Variants in DMD observed in about 807,000 individuals in gnomAD.
DMD encodes mutant dystrophin.
DMD carries 63 observed loss-of-function variants against 330.1 expected under a neutral mutation model. The observed-to-expected ratio is 0.19, with a 90% CI of 0.16 to 0.24. The LOEUF (loss-of-function observed/expected upper bound fraction) is 0.24. Among genes scored for constraint, DMD ranks in the 10% least tolerant of loss-of-function variants. The pLI is 1.00. For missense variants in DMD, 3,344 were observed against 2,684.1 expected, an observed-to-expected ratio of 1.25 and a Z score of -5.43; for synonymous variants, 1,223 against 959.8, an observed-to-expected ratio of 1.27 and a Z score of -5.07.
intron 59 of DMD, among the ~76,000 whole-genome samples, chrX:31,448,140 G>C (rs780878656): frequency 9.0e-6 from 1 of 111,174 alleles, no homozygotes; most frequent in African/African-American, 3.3e-5. Flanking sequence ...ACAGATAACT[G>C]GGGGCAAAGG....
At chrX:31,200,502 A>G (rs1243519956) in intron 67 of DMD, among the ~76,000 whole-genome samples, 2 of 112,382 alleles carry the variant, frequency 1.8e-5, no homozygotes, top group Non-Finnish European at 3.7e-5. Flanking sequence ...AAATGAGAGA[A>G]TTCATGTGAA....
At chrX:31,908,149 C>T (rs1298571535) in intron 47 of DMD, among the ~76,000 whole-genome samples, 3 of 112,213 alleles carry the variant, frequency 2.7e-5, no homozygotes, top group Non-Finnish European at 5.6e-5. Flanking sequence ...TTGTGGAAGA[C>T]AGTGTGGCGA....
chrX:32,334,479 T>G (rs1159278328), intron 41 of DMD, among the ~76,000 whole-genome samples: 1 of 111,754 alleles, frequency 8.9e-6, no homozygotes, highest in Admixed American at 9.6e-5. Context: ...ATTCTCAAAA[T>G]GAGTTGCTTT....
intron 2 of DMD, among the ~76,000 whole-genome samples, chrX:32,964,431 G>A (rs2092046151): frequency 9.1e-6 from 1 of 110,496 alleles, no homozygotes; most frequent in African/African-American, 3.3e-5. Flanking sequence ...TTATAAGCCG[G>A]GCTCAGTGAC....
chrX:32,496,408 T>G (rs916857599), intron 19 of DMD, among the ~76,000 whole-genome samples: 10 of 112,204 alleles, frequency 8.9e-5, no homozygotes, highest in Non-Finnish European at 1.7e-4. Context: ...GTTCTGAGGC[T>G]AAATTTTAGA....
chrX:32,394,934 G>GAAAAAAAAAAAA (rs1569560916), intron 30 of DMD, among the ~76,000 whole-genome samples: 3 of 69,031 alleles, frequency 4.3e-5, no homozygotes, highest in Non-Finnish European at 5.6e-5. Context: ...AAAAAAAAAA[G>GAAAAAAAAAAAA]AAAAGAAATC....
chrX:32,553,545 G>A (rs1051953048), intron 16 of DMD, among the ~76,000 whole-genome samples: 1 of 110,673 alleles, frequency 9.0e-6, no homozygotes, highest in African/African-American at 3.3e-5. Flanking sequence ...ACCACCACAT[G>A]TACCTCTGAA....
intron 16 of DMD, among the ~76,000 whole-genome samples, chrX:32,551,317 C>T (rs747972060): frequency 9.9e-5 from 11 of 111,384 alleles, no homozygotes; most frequent in African/African-American, 3.6e-4. Flanking sequence ...CCCAGGGTTG[C>T]GAGGTTGATT....
intron 56 of DMD, among the ~76,000 whole-genome samples, chrX:31,504,016 C>T (rs751823893): frequency 1.1e-4 from 12 of 110,884 alleles, no homozygotes; most frequent in African/African-American, 3.9e-4. Flanking sequence ...TTGCATCCTC[C>T]GTGCCCAGAA....
chrX:32,849,851 C>G, intron 2 of DMD, 31 bp from the exon 3 acceptor site: 1 of 993,156 alleles, frequency 1.0e-6, no homozygotes, highest in Non-Finnish European at 1.4e-6. Flanking sequence ...CTCAATTTAA[C>G]AAAGCACACT....
chrX:33,329,538 T>C (rs1190474851), intron 1 of DMD, among the ~76,000 whole-genome samples: 1 of 111,873 alleles, frequency 8.9e-6, no homozygotes, highest in African/African-American at 3.2e-5. Flanking sequence ...AATAAGTAAA[T>C]TATAGGACAT....
chrX:32,394,783 A>G lies in DMD; in HGVS notation c.4234-4602T>C, dbSNP rs577617352. Among the ~76,000 whole-genome samples the G allele has an allele frequency of 1.2e-4, 13 of 109,518 alleles. No individual in the cohort carries two copies. The South Asian group carries it at 4.9e-3, about 41-fold the overall frequency. Reference sequence around the variant, plus strand: ...GCCCAAATTATACATCTGTAATCATATCTGTGTACATGTATTTAAAAGTTT... The same window carrying G: ...GCCCAAATTATACATCTGTAATCATGTCTGTGTACATGTATTTAAAAGTTT... On this transcript the variant is annotated intron_variant, in intron 30 of 78. Coordinates refer to ENST00000357033, the MANE Select transcript of DMD (RefSeq NM_004006.3).
chrX:32,132,993 CTTTTTTTTTTT>C (rs377615262), intron 44 of DMD, among the ~76,000 whole-genome samples: 32 of 75,972 alleles, frequency 4.2e-4, no homozygotes, highest in East Asian at 1.9e-3. Flanking sequence ...CTTTTCTTTT[CTTTTTTTTTTT>C]TTTTTTTTTT....
intron 9 of DMD, among the ~76,000 whole-genome samples, chrX:32,656,565 A>T: frequency 8.9e-6 from 1 of 112,278 alleles, no homozygotes; most frequent in Non-Finnish European, 1.9e-5. Context: ...GTAAAAGCTT[A>T]TATGTGAGTT....
chrX:31,149,453 T>C (rs56072527), intron 74 of DMD, among the ~76,000 whole-genome samples: 6,068 of 111,935 alleles, frequency 0.054, 406 homozygotes, highest in African/African-American at 0.18. Context: ...TCCATGATTT[T>C]AGTGTTTGGT....
At chrX:32,270,956 T>A (rs2097363088) in intron 43 of DMD, among the ~76,000 whole-genome samples, 1 of 111,415 alleles carries the variant, frequency 9.0e-6, no homozygotes, top group African/African-American at 3.3e-5. Flanking sequence ...CTACCTTGGG[T>A]CACTCCTACA....
At chrX:32,361,697 A>G (rs760175773) in intron 37 of DMD, among the ~76,000 whole-genome samples, 1 of 111,726 alleles carries the variant, frequency 9.0e-6, no homozygotes, top group South Asian at 3.7e-4. Context: ...AAGTGCAGCA[A>G]TTGTGAAACC....
At chrX:33,293,880 T>A (rs1037712310) in intron 1 of DMD, among the ~76,000 whole-genome samples, 1 of 111,551 alleles carries the variant, frequency 9.0e-6, no homozygotes, top group African/African-American at 3.3e-5. Flanking sequence ...AAAAGATGAT[T>A]CTTTCTCATT....
At chrX:32,388,998 G>A (rs142809261) in intron 32 of DMD, among the ~76,000 whole-genome samples, 1,306 of 111,504 alleles carry the variant, frequency 0.012, 10 homozygotes, top group South Asian at 0.072. Flanking sequence ...CAGTACTGGT[G>A]TTTAAAGGAA....
Sources: allele counts gnomAD v4.1 joint callset (sites outside exome capture counted in the v4.1 genomes callset), GRCh38; gene constraint gnomAD v4.1.1; transcripts MANE v1.5; gene names NCBI Gene and HGNC (gene_info 2026-07-23, HGNC 2026-07-21).